The following EXT1 variants were observed in gnomAD, a reference collection of about 807,000 sequenced individuals.
The protein encoded by EXT1 is exostosin glycosyltransferase 1, also known as exostosin-1.
EXT1 carries 20 observed loss-of-function variants against 82.5 expected under a neutral mutation model. That is an observed-to-expected ratio of 0.24 (90% CI 0.17 to 0.35). The LOEUF (loss-of-function observed/expected upper bound fraction) is 0.35. Ranked by LOEUF, EXT1 falls within the 10% of genes least tolerant of loss-of-function variation. EXT1 has a pLI of 1.00. For synonymous variants in EXT1, 348 were observed against 350.8 expected, an observed-to-expected ratio of 0.99 and a Z score of 0.09; for missense variants, 757 against 936.5, an observed-to-expected ratio of 0.81 and a Z score of 2.50.
At chr8:117,896,120 T>C (rs956102829) in intron 1 of EXT1, among the ~76,000 whole-genome samples, 1 of 152,138 alleles carries the variant, frequency 6.6e-6, no homozygotes, top group African/African-American at 2.4e-5. Flanking sequence ...AGAAAACACA[T>C]ATTCTAAGGG....
At chr8:117,919,016 A>G (rs1015554194) in intron 1 of EXT1, among the ~76,000 whole-genome samples, 5 of 152,094 alleles carry the variant, frequency 3.3e-5, no homozygotes, top group African/African-American at 7.2e-5. Flanking sequence ...CTCTCCAAAA[A>G]TCTACTGTTA....
chr8:118,002,300 G>T (rs1385837497), intron 1 of EXT1, among the ~76,000 whole-genome samples: 1 of 150,132 alleles, frequency 6.7e-6, no homozygotes, highest in Admixed American at 6.7e-5. Flanking sequence ...AGAACCGCTT[G>T]AGCCTGGGAG....
At chr8:117,866,937 G>A (rs1210539489) in intron 1 of EXT1, among the ~76,000 whole-genome samples, 5 of 151,914 alleles carry the variant, frequency 3.3e-5, no homozygotes, top group Non-Finnish European at 7.4e-5. Context: ...TACTTTCCTT[G>A]CCTCTAAGCC....
intron 1 of EXT1, among the ~76,000 whole-genome samples, chr8:117,838,079 A>G (rs1008006235): frequency 6.6e-6 from 1 of 152,196 alleles, no homozygotes; most frequent in Admixed American, 6.5e-5. Flanking sequence ...TGATTACCAC[A>G]AACACATTCC....
At chr8:117,996,358 C>T (rs1586332263) in intron 1 of EXT1, among the ~76,000 whole-genome samples, 1 of 148,068 alleles carries the variant, frequency 6.8e-6, no homozygotes. Context: ...TAAATAAAAA[C>T]TTCAATTCTA....
chr8:117,918,908 T>C (rs1034837466), intron 1 of EXT1, among the ~76,000 whole-genome samples: 2 of 152,066 alleles, frequency 1.3e-5, no homozygotes, highest in African/African-American at 4.8e-5. Flanking sequence ...TGGAGGAGAA[T>C]ATGAGAAATA....
At chr8:118,057,492 C>T (rs1427323191) in intron 1 of EXT1, among the ~76,000 whole-genome samples, 1 of 151,820 alleles carries the variant, frequency 6.6e-6, no homozygotes, top group East Asian at 1.9e-4. Context: ...TGCAGTGAGC[C>T]AAGATCAGGC....
intron 1 of EXT1, among the ~76,000 whole-genome samples, chr8:117,865,973 T>G (rs1038215875): frequency 1.3e-5 from 2 of 152,140 alleles, no homozygotes; most frequent in African/African-American, 4.8e-5. Flanking sequence ...ACCTGTAATC[T>G]CAGTACTTTG....
In EXT1 at chr8:118,003,181, C is replaced by T. The variant is rs142771297; in HGVS notation, c.962+106904G>A. ...AAACCAAACATCATATGTTCTCACT[C>T]ATAAGTGGAAGCTAAGCTATGAGGT... is the stretch of plus-strand genomic sequence containing the variant. On this transcript the variant is annotated intron_variant, in intron 1 of 10. Coordinates refer to ENST00000378204, the MANE Select transcript of EXT1 (RefSeq NM_000127.3). 6.7e-3 allele frequency among the ~76,000 whole-genome samples: 1,012 copies of T among 152,126 alleles called. 11 individuals carry two copies. Among genetic ancestry groups the T allele is most frequent in the African/African-American group, 0.024 (979 of 41,510 alleles).
chr8:117,952,428 T>C lies in EXT1; in HGVS notation c.963-115227A>G, dbSNP rs184366929. ...AAAAGGAAGATGAGAATGACAGTCA[T>C]TTAAGGAATCTATGTTTAGAAGGAA... On this transcript the variant is annotated intron_variant, in intron 1 of 10. Coordinates refer to ENST00000378204, the MANE Select transcript of EXT1 (RefSeq NM_000127.3). Among the ~76,000 whole-genome samples the C allele has an allele frequency of 1.6e-4, 25 of 152,298 alleles. No homozygotes were observed. The East Asian group carries it at 3.5e-3, about 21-fold the overall frequency.
chr8:118,046,598 C>G (rs542153634), intron 1 of EXT1, among the ~76,000 whole-genome samples: 8 of 152,304 alleles, frequency 5.3e-5, no homozygotes, highest in Non-Finnish European at 8.8e-5. Context: ...TCTGCTGCCT[C>G]TGAATTCCCT....
chr8:117,877,106 G>A (rs560276109), intron 1 of EXT1, among the ~76,000 whole-genome samples: 19 of 152,310 alleles, frequency 1.2e-4, no homozygotes, highest in African/African-American at 4.6e-4. Context: ...GAAGACTCTG[G>A]ATGTTAATGA....
At chr8:118,025,307 G>A (rs1023307320) in intron 1 of EXT1, among the ~76,000 whole-genome samples, 12 of 152,298 alleles carry the variant, frequency 7.9e-5, no homozygotes, top group African/African-American at 2.9e-4. Context: ...CCAAAGTACA[G>A]GAGCAGACTT....
intron 1 of EXT1, among the ~76,000 whole-genome samples, chr8:118,049,527 G>C (rs1816683465): frequency 1.3e-5 from 2 of 152,168 alleles, no homozygotes; most frequent in African/African-American, 4.8e-5. Flanking sequence ...AGAAGGACAA[G>C]AAATGCCCCA....
Position 117,935,321 on chromosome 8 carries a change from C to CT in EXT1, c.963-98121dup, listed in dbSNP as rs3049789. On this transcript the variant is annotated intron_variant, in intron 1 of 10. Coordinates refer to ENST00000378204, the MANE Select transcript of EXT1 (RefSeq NM_000127.3). ...GAAAATCCTGGTTAGTTATCTATCA[C>CT]TTTTTTTTTTTTTTTTTTTGAGACA... Among the ~76,000 whole-genome samples the CT allele has an allele frequency of 3.8e-3, 472 of 123,982 alleles. 5 individuals are homozygous for CT. The highest frequency in any genetic ancestry group is 5.9e-3 in the East Asian group (26 of 4,372). The allele number at this position is 123,982 out of a possible 152,430, so 81.3% of individuals were successfully genotyped here.
intron 8 of EXT1, among the ~76,000 whole-genome samples, chr8:117,810,224 T>C (rs969644355): frequency 1.3e-5 from 2 of 152,156 alleles, no homozygotes; most frequent in Non-Finnish European, 2.9e-5. Flanking sequence ...TGTTTAAAAA[T>C]CCATCCTTAA....
intron 1 of EXT1, among the ~76,000 whole-genome samples, chr8:117,989,365 C>A (rs975936070): frequency 1.6e-4 from 24 of 152,082 alleles, no homozygotes; most frequent in African/African-American, 5.6e-4. Context: ...CCCTGCCCCC[C>A]ACTATTTGTG....
intron 4 of EXT1, among the ~76,000 whole-genome samples, chr8:117,829,517 AT>A (rs1469563450): frequency 7.3e-6 from 1 of 136,550 alleles, no homozygotes; most frequent in Non-Finnish European, 1.6e-5. Flanking sequence ...AACTACTCAT[AT>A]TTTTGGAATG....
chr8:117,859,944 C>T (rs1177350164), intron 1 of EXT1, among the ~76,000 whole-genome samples: 2 of 151,880 alleles, frequency 1.3e-5, no homozygotes, highest in East Asian at 1.9e-4. Context: ...GTCAGGAGTT[C>T]GGGAACAGCC....
Sources: allele counts gnomAD v4.1 joint callset (sites outside exome capture counted in the v4.1 genomes callset), GRCh38; gene constraint gnomAD v4.1.1; transcripts MANE v1.5; gene names NCBI Gene and HGNC (gene_info 2026-07-23, HGNC 2026-07-21).